Variants in TUBB8 observed in about 807,000 individuals in gnomAD.
TUBB8 encodes the protein tubulin beta 8 class VIII, also known as tubulin beta-8 chain.
Under a neutral mutation model 33.7 loss-of-function variants are expected in TUBB8, and 25 were observed. The ratio of observed to expected loss-of-function variants is 0.74; its 90% confidence interval spans 0.54 to 1.04. The LOEUF is 1.04. Among genes scored for constraint, TUBB8 ranks in the 50% least tolerant of loss-of-function variants. The probability of loss-of-function intolerance (pLI) is 0.00; values close to 1 mark genes in which losing one functional copy is unlikely to be tolerated. For missense variants in TUBB8, 279 were observed against 608.0 expected (o/e 0.46, Z 5.69); for synonymous variants, 245 against 240.1 (o/e 1.02, Z -0.19).
At chr10:51,179 G>T (rs568652562), upstream of TUBB8, among the ~76,000 whole-genome samples, 3 of 152,258 alleles carry the variant, frequency 2.0e-5, no homozygotes, top group East Asian at 3.9e-4. Context: ...CTGTTGCTCA[G>T]GCTGGAGTGC....
chr10:70,890 A>G (rs1394744432), intron 1 of TUBB8, among the ~76,000 whole-genome samples: 1 of 152,208 alleles, frequency 6.6e-6, no homozygotes, highest in Non-Finnish European at 1.5e-5. Context: ...ATCAAACTGG[A>G]AACAGAGAGA....
At chr10:59,469 G>A (rs1198847232) in intron 1 of TUBB8, among the ~76,000 whole-genome samples, 8 of 152,236 alleles carry the variant, frequency 5.3e-5, no homozygotes, top group African/African-American at 1.2e-4. Flanking sequence ...GATTACAGGC[G>A]TGAGCCACTG....
intron 1 of TUBB8, among the ~76,000 whole-genome samples, chr10:54,914 T>A (rs1211336095): frequency 1.3e-5 from 2 of 152,184 alleles, no homozygotes. Flanking sequence ...CCTGACATGA[T>A]GCCCAGCTAA....
intron 3 of TUBB8, 103 bp downstream of exon 3, chr10:48,512 G>A (rs1463899374): frequency 1.7e-6 from 2 of 1,147,852 alleles, no homozygotes; most frequent in Non-Finnish European, 2.6e-6. Flanking sequence ...AGGGTGTTCA[G>A]GGGCCCTAGC....
intron 1 of TUBB8, among the ~76,000 whole-genome samples, chr10:71,515 G>T (rs1834736065): frequency 6.6e-6 from 1 of 151,982 alleles, no homozygotes; most frequent in African/African-American, 2.4e-5. Flanking sequence ...CAGCTACTTG[G>T]GAGGCTGAGG....
At chr10:64,975 TA>T (rs61340461) in intron 1 of TUBB8, among the ~76,000 whole-genome samples, 16,663 of 117,850 alleles carry the variant, frequency 0.14, 1,231 homozygotes, top group East Asian at 0.47. Context: ...CCATCTCCAC[TA>T]AAAAAAAAAA....
chr10:72,602 C>T (rs545946403), intron 1 of TUBB8, among the ~76,000 whole-genome samples: 2 of 150,922 alleles, frequency 1.3e-5, no homozygotes, highest in South Asian at 2.1e-4. Context: ...GCATGTAATC[C>T]CAACACTTTG....
chr10:55,612 A>T (rs1200959563), intron 1 of TUBB8, among the ~76,000 whole-genome samples: 1 of 152,180 alleles, frequency 6.6e-6, no homozygotes, highest in Non-Finnish European at 1.5e-5. Flanking sequence ...AAATTTTGAT[A>T]GTTTGAGGTG....
At chr10:57,986 T>G (rs1363585000) in intron 1 of TUBB8, among the ~76,000 whole-genome samples, 25 of 152,252 alleles carry the variant, frequency 1.6e-4, no homozygotes, top group Non-Finnish European at 3.2e-4. Flanking sequence ...TACTTTTTTT[T>G]GCTCCAACAT....
chr10:64,035 A>G (rs1345717637), intron 1 of TUBB8, among the ~76,000 whole-genome samples: 3 of 152,136 alleles, frequency 2.0e-5, no homozygotes, highest in Admixed American at 1.3e-4. Flanking sequence ...TAACATCAAG[A>G]AAAATTCTCT....
At chr10:49,660 A>G (rs75322738), upstream of TUBB8, 1 of 435,830 alleles carries the variant, frequency 2.3e-6, no homozygotes, top group African/African-American at 2.0e-5. Context: ...CTTTTCATCT[A>G]TTAGGAGATC....
At chr10:74,352 A>G (rs1164573644), upstream of TUBB8, among the ~76,000 whole-genome samples, 20 of 151,536 alleles carry the variant, frequency 1.3e-4, no homozygotes, top group African/African-American at 4.6e-4. Context: ...ATCGAAGAAG[A>G]TGACCAGTTC....
upstream of TUBB8, among the ~76,000 whole-genome samples, chr10:75,907 G>A (rs1834807003): frequency 2.0e-5 from 3 of 151,938 alleles, no homozygotes; most frequent in South Asian, 2.1e-4. Flanking sequence ...GGGAGGCTAA[G>A]GCGGGTGGAT....
upstream of TUBB8, among the ~76,000 whole-genome samples, chr10:51,487 G>T (rs2131816420): frequency 6.6e-6 from 1 of 152,308 alleles, no homozygotes; most frequent in South Asian, 2.1e-4. Context: ...CCATGAGTGT[G>T]AGGCCTCTCC....
In TUBB8 at chr10:48,775, G is replaced by C; in HGVS notation, c.166+29C>G. Reference sequence around the variant, plus strand: ...CGAGGGGAGGGCCGCGTTCCCAGGAGGGCGGTGGGGGAAGGACGGGGGTCT... The same window carrying C: ...CGAGGGGAGGGCCGCGTTCCCAGGACGGCGGTGGGGGAAGGACGGGGGTCT... On this transcript the variant is annotated intron_variant, in intron 2 of 3. Transcript: ENST00000568584. The C allele has an allele frequency of 3.1e-6, 5 of 1,609,352 alleles. No homozygotes were observed. The South Asian group carries it at 5.5e-5, about 18-fold the overall frequency.
intron 1 of TUBB8, among the ~76,000 whole-genome samples, chr10:71,359 G>A (rs574435372): frequency 1.9e-4 from 29 of 152,244 alleles, no homozygotes; most frequent in African/African-American, 5.8e-4. Context: ...AGGGCTGGGC[G>A]CAGTAGCTCA....
chr10:53,965 T>G (rs1241020701), upstream of TUBB8, among the ~76,000 whole-genome samples: 2 of 152,026 alleles, frequency 1.3e-5, no homozygotes, highest in African/African-American at 4.8e-5. Flanking sequence ...CATACTTTGA[T>G]ACAGGCATGC....
intron 1 of TUBB8, among the ~76,000 whole-genome samples, chr10:55,505 G>T (rs1482218372): frequency 6.6e-6 from 1 of 152,036 alleles, no homozygotes; most frequent in Non-Finnish European, 1.5e-5. Flanking sequence ...AATTCCATTT[G>T]TCCATGTTTG....
At chr10:62,666 G>C (rs1834618215) in intron 1 of TUBB8, among the ~76,000 whole-genome samples, 1 of 152,174 alleles carries the variant, frequency 6.6e-6, no homozygotes, top group Admixed American at 6.5e-5. Context: ...ATTTCTTGTA[G>C]GACAGGTCTG....
Sources: allele counts gnomAD v4.1 joint callset (sites outside exome capture counted in the v4.1 genomes callset), GRCh38; gene constraint gnomAD v4.1.1; transcripts MANE v1.5; gene names NCBI Gene and HGNC (gene_info 2026-07-23, HGNC 2026-07-21).